The following MAD1L1 variants were observed in gnomAD, a reference collection of about 807,000 sequenced individuals.
MAD1L1 encodes mitotic spindle assembly checkpoint protein MAD1.
MAD1L1 carries 95 observed loss-of-function variants against 96.9 expected under a neutral mutation model. The observed-to-expected ratio is 0.98, with a 90% CI of 0.83 to 1.16. MAD1L1 has a LOEUF of 1.16. Among genes scored for constraint, MAD1L1 ranks in the 50% most tolerant of loss-of-function variants. The pLI is 0.00. For missense variants in MAD1L1, 1,007 were observed against 954.4 expected (o/e 1.06, Z -0.73); for synonymous variants, 473 against 396.6 (o/e 1.19, Z -2.29).
chr7:2,218,237 G>T (rs536093782), intron 6 of MAD1L1, among the ~76,000 whole-genome samples, 194 bp from the exon 7 acceptor site: 17 of 152,028 alleles, frequency 1.1e-4, no homozygotes, highest in South Asian at 2.1e-4. Context: ...AAGGTCCCAG[G>T]CCCCAGCCCC....
intron 13 of MAD1L1, among the ~76,000 whole-genome samples, chr7:2,013,494 C>T (rs570907116): frequency 2.6e-5 from 4 of 152,338 alleles, no homozygotes; most frequent in South Asian, 2.1e-4. Flanking sequence ...TGTCCCTTGA[C>T]GCCCCCAGGC....
intron 15 of MAD1L1, among the ~76,000 whole-genome samples, chr7:1,978,238 T>C (rs910144036): frequency 1.4e-4 from 22 of 152,342 alleles, no homozygotes; most frequent in African/African-American, 5.3e-4. Flanking sequence ...GCTGCCCTTC[T>C]GGGCCATTCC....
chr7:2,193,827 A>G (rs1022558457), intron 10 of MAD1L1, among the ~76,000 whole-genome samples: 1 of 151,932 alleles, frequency 6.6e-6, no homozygotes, highest in Non-Finnish European at 1.5e-5. Flanking sequence ...CCGTCGCCCA[A>G]CTGTCCCAAA....
At chr7:2,055,530 G>A (rs1784350645) in intron 12 of MAD1L1, among the ~76,000 whole-genome samples, 1 of 152,046 alleles carries the variant, frequency 6.6e-6, no homozygotes, top group Admixed American at 6.5e-5. Flanking sequence ...AATTAGATGG[G>A]CACGGTGGTG....
intron 11 of MAD1L1, chr7:2,079,754 C>G (rs760405110): frequency 2.1e-6 from 1 of 470,920 alleles, no homozygotes; most frequent in East Asian, 6.9e-5. Flanking sequence ...CCGGCAAGCA[C>G]GGCCGCAGGG....
chr7:1,958,434 T>G (rs1332796471), intron 15 of MAD1L1, among the ~76,000 whole-genome samples: 1 of 152,142 alleles, frequency 6.6e-6, no homozygotes, highest in Admixed American at 6.5e-5. Context: ...AGGCCTGTAG[T>G]GATGGAAAGA....
In MAD1L1 at chr7:1,850,967, C is replaced by T. The variant is rs570161099; in HGVS notation, c.1999-34739G>A. ...AGGAAGAGACACGAGAAGGGCCTGG[C>T]GTCGCGTCCGTGGGTCGAGGACCAC... is the stretch of plus-strand genomic sequence containing the variant. On this transcript the variant is annotated intron_variant, in intron 18 of 18. Coordinates refer to ENST00000265854, the MANE Select transcript of MAD1L1 (RefSeq NM_001013836.2). Among the ~76,000 whole-genome samples, 7 of 152,272 alleles carry T rather than the reference C, an allele frequency of 4.6e-5. 1 individual carries two copies. The highest frequency in any genetic ancestry group is 4.1e-4 in the South Asian group (2 of 4,826).
At chr7:1,957,986 G>A (rs1440105192) in intron 15 of MAD1L1, among the ~76,000 whole-genome samples, 1 of 152,234 alleles carries the variant, frequency 6.6e-6, no homozygotes, top group Non-Finnish European at 1.5e-5. Context: ...CCACACCTTG[G>A]CTGGAAGCAC....
chr7:1,986,735 C>T (rs1252799411), intron 14 of MAD1L1, among the ~76,000 whole-genome samples: 1 of 152,200 alleles, frequency 6.6e-6, no homozygotes. Context: ...GGTTTTCACG[C>T]TTCTTGTTAT....
Position 2,088,416 on chromosome 7 carries a change from C to CCCGCT in MAD1L1, c.1074-19083_1074-19079dup, listed in dbSNP as rs1786038652. 6.6e-6 allele frequency among the ~76,000 whole-genome samples: 1 copy of CCCGCT among 152,224 alleles called. No individual in the cohort carries two copies. The highest frequency in any genetic ancestry group is 1.5e-5 in the Non-Finnish European group (1 of 68,034). ...CACCTATTCCCACCACAGCCCCCGC[C>CCCGCT]CCGCTCCGTCCCACCATGGCAGTCT... On this transcript the variant is annotated intron_variant, in intron 11 of 18. Transcript: ENST00000265854. The surrounding 1 kb of genome is among the most constrained non-coding windows in gnomAD (Gnocchi z 4.4).
In MAD1L1 at chr7:1,949,840, G is replaced by A. The variant is rs149430568; in HGVS notation, c.1596+7789C>T. The stretch of plus-strand genomic sequence containing the variant: ...GCGGGGCACTTGCAGACAGGGCCAC[G>A]GCCCTTGCTTCCCAGAGGAGGCCCC... On this transcript the variant is annotated intron_variant, in intron 16 of 18. Coordinates refer to ENST00000265854, the MANE Select transcript of MAD1L1 (RefSeq NM_001013836.2). 8.6e-3 allele frequency among the ~76,000 whole-genome samples: 1,317 copies of A among 152,314 alleles called. 16 individuals carry two copies. Among genetic ancestry groups the A allele is most frequent in the African/African-American group, 0.031 (1,276 of 41,578 alleles).
At chr7:1,841,983 G>A (rs531927813) in intron 18 of MAD1L1, among the ~76,000 whole-genome samples, 33 of 152,304 alleles carry the variant, frequency 2.2e-4, no homozygotes, top group African/African-American at 7.7e-4. Context: ...CGCCGCGCTC[G>A]GCCGCCATCT....
intron 18 of MAD1L1, among the ~76,000 whole-genome samples, chr7:1,852,499 G>A (rs1784030134): frequency 6.6e-6 from 1 of 152,208 alleles, no homozygotes; most frequent in Non-Finnish European, 1.5e-5. Flanking sequence ...TCCCTGGGCG[G>A]AGAGGCTGGG....
intron 12 of MAD1L1, among the ~76,000 whole-genome samples, chr7:2,031,085 G>A (rs2128506291): frequency 6.6e-6 from 1 of 152,338 alleles, no homozygotes; most frequent in South Asian, 2.1e-4. Flanking sequence ...CCTCCCTCCA[G>A]CAGCCAGCTG....
intron 18 of MAD1L1, among the ~76,000 whole-genome samples, chr7:1,874,970 G>T (rs1192510276): frequency 6.6e-6 from 1 of 152,164 alleles, no homozygotes; most frequent in Non-Finnish European, 1.5e-5. Context: ...CTGGGCCTGG[G>T]AGCTCCAGGG....
intron 15 of MAD1L1, among the ~76,000 whole-genome samples, chr7:1,967,476 C>A (rs1780215200): frequency 6.6e-6 from 1 of 152,192 alleles, no homozygotes; most frequent in Non-Finnish European, 1.5e-5. Flanking sequence ...TACAGGTACG[C>A]TGCAAGTAAA....
intron 11 of MAD1L1, among the ~76,000 whole-genome samples, chr7:2,117,553 G>C (rs1787771027): frequency 6.6e-6 from 1 of 152,186 alleles, no homozygotes; most frequent in Non-Finnish European, 1.5e-5. Flanking sequence ...CTGCTCACGT[G>C]ATAGTGAGCT....
chr7:2,110,969 T>C (rs572190764), intron 11 of MAD1L1, among the ~76,000 whole-genome samples: 97 of 152,168 alleles, frequency 6.4e-4, no homozygotes, highest in African/African-American at 2.2e-3. Context: ...CTTGCTCTGC[T>C]CTCACCCCAT....
At chr7:2,018,438 C>T (rs947704696) in intron 12 of MAD1L1, among the ~76,000 whole-genome samples, 1 of 152,202 alleles carries the variant, frequency 6.6e-6, no homozygotes, top group Admixed American at 6.5e-5. Flanking sequence ...TACAGCTGCT[C>T]GTGAAAGATG....
Sources: allele counts gnomAD v4.1 joint callset (sites outside exome capture counted in the v4.1 genomes callset), GRCh38; gene constraint gnomAD v4.1.1; non-coding constraint Gnocchi (gnomAD v3.1); transcripts MANE v1.5; gene names NCBI Gene and HGNC (gene_info 2026-07-23, HGNC 2026-07-21).